LRRC56: variants seen among roughly 807,000 people sequenced by gnomAD.
LRRC56 encodes leucine-rich repeat-containing protein 56.
In LRRC56, 41 loss-of-function variants were observed where a neutral mutation model predicts 47.8. The observed-to-expected ratio is 0.86, with a 90% confidence interval of 0.67 to 1.11. The LOEUF is 1.11. LRRC56 is among the 50% of genes most tolerant of loss of function. The probability of loss-of-function intolerance (pLI) is 0.00; values close to 1 mark genes in which losing one functional copy is unlikely to be tolerated. For missense variants in LRRC56, 759 were observed against 704.2 expected (o/e 1.08, Z -0.88); for synonymous variants, 387 against 311.2 (o/e 1.24, Z -2.56).
At chr11:510,078 C>T in the LRRC56 span, among the ~76,000 whole-genome samples, 1 of 152,056 alleles carries the variant, frequency 6.6e-6, no homozygotes, top group Non-Finnish European at 1.5e-5. Flanking sequence ...TCCTTCTCCA[C>T]CTGCCCCTCC....
chr11:539,895 A>G (rs906222197), intron 3 of LRRC56, among the ~76,000 whole-genome samples, 169 bp downstream of exon 3: 9 of 152,186 alleles, frequency 5.9e-5, no homozygotes, highest in Non-Finnish European at 2.9e-5. Flanking sequence ...TTGGATGAGC[A>G]GCAGGCATTG....
At chr11:514,095 G>A in the LRRC56 span, among the ~76,000 whole-genome samples, 65 of 151,654 alleles carry the variant, frequency 4.3e-4, no homozygotes, top group South Asian at 2.1e-4. Context: ...AGGTTCAAGC[G>A]ATTCTCTTAC....
chr11:532,285 C>T, the LRRC56 span: 22 of 468,060 alleles, frequency 4.7e-5, no homozygotes, highest in African/African-American at 3.9e-5. Flanking sequence ...CTGTGCCCGA[C>T]AAGGGCCCAC....
At chr11:510,302 C>T in the LRRC56 span, among the ~76,000 whole-genome samples, 2 of 152,164 alleles carry the variant, frequency 1.3e-5, no homozygotes, top group Non-Finnish European at 2.9e-5. Flanking sequence ...GCCTGTTCTA[C>T]TTCTATAAAT....
Position 554,095 on chromosome 11 carries a change from G to A in LRRC56, c.1448G>A (p.Gly483Asp). 1 of 1,607,518 alleles carries A rather than the reference G, an allele frequency of 6.2e-7. No homozygotes were observed. The highest frequency in any genetic ancestry group is 8.5e-7 in the Non-Finnish European group (1 of 1,178,568). Residue 483 changes from glycine (G) to aspartate (D), a missense_variant, in exon 14 of 14, where the codon GGC (glycine) becomes GAC (aspartate). Coordinates refer to ENST00000270115, the MANE Select transcript of LRRC56 (RefSeq NM_198075.4). ...AGGGGGCGTCGGCTCCGAGTCCTGGGCAGCTGGGGGCCTGGCCTGGGTGAT... is the reference window on the plus strand; with the variant it reads ...AGGGGGCGTCGGCTCCGAGTCCTGGACAGCTGGGGGCCTGGCCTGGGTGAT... ...QSRGRRLRVL[G>D]SWGPGLGDGV...
At chr11:548,319 C>T (rs182226173) in intron 6 of LRRC56, among the ~76,000 whole-genome samples, 9 of 152,232 alleles carry the variant, frequency 5.9e-5, no homozygotes, top group South Asian at 2.1e-4. Context: ...CTCACTCTGT[C>T]GCCCAGGCTG....
intron 13 of LRRC56, among the ~76,000 whole-genome samples, chr11:553,718 G>A (rs1022242230): frequency 7.9e-5 from 12 of 152,220 alleles, no homozygotes; most frequent in Non-Finnish European, 1.5e-4. Context: ...AGGACACAGA[G>A]GACCCAGGGC....
the LRRC56 span, among the ~76,000 whole-genome samples, chr11:514,853 C>T: frequency 3.3e-5 from 5 of 152,234 alleles, no homozygotes; most frequent in East Asian, 9.6e-4. Context: ...AACCCAGGCC[C>T]GCCTGTGCTA....
At chr11:524,450 C>T in the LRRC56 span, among the ~76,000 whole-genome samples, 4 of 151,110 alleles carry the variant, frequency 2.6e-5, no homozygotes, top group African/African-American at 7.3e-5. Context: ...TGACCAACAT[C>T]GAGAAACCCC....
intron 1 of LRRC56, 45 bp downstream of exon 1, chr11:537,650 C>T (rs1029092282): frequency 2.6e-5 from 4 of 152,254 alleles, no homozygotes; most frequent in Non-Finnish European, 5.9e-5. Context: ...CAAGCCTCGC[C>T]CTATGACCGG....
upstream of LRRC56, among the ~76,000 whole-genome samples, chr11:536,386 T>C (rs910079287): frequency 5.3e-5 from 8 of 152,212 alleles, no homozygotes; most frequent in Non-Finnish European, 8.8e-5. Context: ...CCCAAGCACA[T>C]AGACGCACAT....
intron 1 of LRRC56, among the ~76,000 whole-genome samples, 157 bp downstream of exon 1, chr11:537,762 G>A (rs1253406827): frequency 6.6e-6 from 1 of 152,204 alleles, no homozygotes; most frequent in Non-Finnish European, 1.5e-5. Flanking sequence ...GTCCCCTGAG[G>A]ACCCTTGCCT....
chr11:517,862 AC>A, the LRRC56 span, among the ~76,000 whole-genome samples: 1 of 152,214 alleles, frequency 6.6e-6, no homozygotes, highest in African/African-American at 2.4e-5. Context: ...TTAATCTATA[AC>A]CTTACCCCCA....
In LRRC56 at chr11:541,092, C is replaced by T. The variant is rs548470751; in HGVS notation, c.177+231C>T. ...AACACCAGGTGCTCAGTGACACAGACGTCCCCAGGCATTTGGGTCACAGAC... is the reference window on the plus strand; with the variant it reads ...AACACCAGGTGCTCAGTGACACAGATGTCCCCAGGCATTTGGGTCACAGAC... On this transcript the variant is annotated intron_variant, in intron 4 of 13. Transcript: ENST00000270115. The surrounding 1 kb of genome is among the most constrained non-coding windows in gnomAD (Gnocchi z 4.1). Among the ~76,000 whole-genome samples the T allele has an allele frequency of 1.1e-4, 16 of 152,294 alleles. No homozygotes were observed. Among genetic ancestry groups the T allele is most frequent in the African/African-American group, 3.4e-4 (14 of 41,548 alleles).
At chr11:509,482 A>G in the LRRC56 span, among the ~76,000 whole-genome samples, 1 of 152,228 alleles carries the variant, frequency 6.6e-6, no homozygotes, top group African/African-American at 2.4e-5. Context: ...CACGGCCAGC[A>G]TGGTGTCTGT....
chr11:509,945 AC>A, the LRRC56 span, among the ~76,000 whole-genome samples: 1 of 151,048 alleles, frequency 6.6e-6, no homozygotes, highest in Non-Finnish European at 1.5e-5. Context: ...AAGTATTCCC[AC>A]CCCCAGTTTT....
upstream of LRRC56, chr11:537,280 G>T (rs893330903): frequency 1.3e-5 from 2 of 152,216 alleles, no homozygotes; most frequent in African/African-American, 4.8e-5. Flanking sequence ...GGCACCTGAC[G>T]CGCCTGCGCC....
At chr11:539,139 G>T (rs1009692633) in intron 2 of LRRC56, among the ~76,000 whole-genome samples, 2 of 152,216 alleles carry the variant, frequency 1.3e-5, no homozygotes, top group African/African-American at 4.8e-5. Flanking sequence ...GGAGTGCAGT[G>T]GTGCCATCTT....
chr11:531,054 G>GAGAAGGGCGAGTGTGGCGTCCCCTGGAC, the LRRC56 span, among the ~76,000 whole-genome samples: 1 of 82,644 alleles, frequency 1.2e-5, no homozygotes, highest in African/African-American at 7.3e-5. Context: ...GTCCCCTGGA[G>GAGAAGGGCGAGTGTGGCGTCCCCTGGAC]AGAAGGGCGA....
Sources: allele counts gnomAD v4.1 joint callset (sites outside exome capture counted in the v4.1 genomes callset), GRCh38; gene constraint gnomAD v4.1.1; non-coding constraint Gnocchi (gnomAD v3.1); transcripts MANE v1.5; gene names NCBI Gene and HGNC (gene_info 2026-07-23, HGNC 2026-07-21).